The following CRPPA variants were observed in gnomAD, a reference collection of about 807,000 sequenced individuals.
CRPPA encodes the protein D-ribitol-5-phosphate cytidylyltransferase.
Under a neutral mutation model 52.0 loss-of-function variants are expected in CRPPA, and 43 were observed. That is an observed-to-expected ratio of 0.83 (90% CI 0.65 to 1.07). CRPPA has a LOEUF of 1.07. Ranked by LOEUF, CRPPA falls within the 50% of genes least tolerant of loss-of-function variation. The pLI is 0.00. For missense variants in CRPPA, 629 were observed against 551.7 expected (o/e 1.14, Z -1.40); for synonymous variants, 250 against 203.5 (o/e 1.23, Z -1.94).
At chr7:16,128,888 A>G (rs948333712) in intron 9 of CRPPA, among the ~76,000 whole-genome samples, 2 of 152,178 alleles carry the variant, frequency 1.3e-5, no homozygotes, top group African/African-American at 4.8e-5. Flanking sequence ...GAAGCAAATG[A>G]TCCCAATAAC....
chr7:16,101,460 A>C (rs1199669721), intron 9 of CRPPA, among the ~76,000 whole-genome samples: 11 of 152,076 alleles, frequency 7.2e-5, no homozygotes, highest in Admixed American at 7.2e-4. Flanking sequence ...GTATTCTCTG[A>C]TGGTACTTTA....
At chr7:16,368,170 T>C (rs567908968) in intron 3 of CRPPA, among the ~76,000 whole-genome samples, 2 of 152,332 alleles carry the variant, frequency 1.3e-5, no homozygotes, top group South Asian at 4.1e-4. Flanking sequence ...TTCCTCAAAT[T>C]GCACAGAAAA....
At chr7:16,164,563 G>A (rs1022112254) in intron 9 of CRPPA, among the ~76,000 whole-genome samples, 7 of 152,170 alleles carry the variant, frequency 4.6e-5, no homozygotes, top group Non-Finnish European at 7.3e-5. Context: ...GCGAGGAATT[G>A]TGATCCTTTG....
In CRPPA at chr7:16,154,809, CT is replaced by C. The variant is rs549480340; in HGVS notation, c.1251+61256del. ...AATATCGTCAATATTCAAGATGGGT[CT>C]TTTTTTTTTTTTTTTAAGACAGAAT... On this transcript the variant is annotated intron_variant, in intron 9 of 9. Coordinates refer to ENST00000407010, the MANE Select transcript of CRPPA (RefSeq NM_001101426.4). 9.4e-3 allele frequency among the ~76,000 whole-genome samples: 1,240 copies of C among 131,892 alleles called. 2 individuals carry two copies. The highest frequency in any genetic ancestry group is 0.025 in the East Asian group (113 of 4,576). 86.5% of individuals were successfully genotyped at this position (131,892 alleles called of 152,430 possible). A position where few individuals can be genotyped will look rare whatever the true frequency, so the allele number is the denominator to read the frequency against.
intron 9 of CRPPA, among the ~76,000 whole-genome samples, chr7:16,215,094 G>A (rs1782268137): frequency 6.6e-6 from 1 of 152,186 alleles, no homozygotes; most frequent in Non-Finnish European, 1.5e-5. Context: ...TAATTAAAAT[G>A]TATAGTTTCA....
chr7:16,389,928 A>AAAAAAAT, intron 2 of CRPPA, among the ~76,000 whole-genome samples: 6 of 29,760 alleles, frequency 2.0e-4, no homozygotes, highest in African/African-American at 1.0e-3. Context: ...AAAAAAAAAA[A>AAAAAAAT]ATATATATAT....
chr7:16,236,149 A>C (rs149529864), intron 8 of CRPPA, among the ~76,000 whole-genome samples: 149 of 152,240 alleles, frequency 9.8e-4, no homozygotes, highest in African/African-American at 3.3e-3. Flanking sequence ...ATAGTTGAGG[A>C]AACAACTCAG....
At chr7:16,387,067 A>G (rs1182622172) in intron 2 of CRPPA, among the ~76,000 whole-genome samples, 1 of 63,146 alleles carries the variant, frequency 1.6e-5, no homozygotes, top group African/African-American at 8.2e-5. Context: ...ATATATATAT[A>G]TATATATATA....
rs200896314 is a variant in CRPPA, at chr7:16,114,218, G to T, written c.1252-22419C>A. 3.3e-5 allele frequency among the ~76,000 whole-genome samples: 5 copies of T among 151,760 alleles called. No homozygotes were observed. In the East Asian group the frequency reaches 9.7e-4, roughly 29 times the overall value. On this transcript the variant is annotated intron_variant, in intron 9 of 9. Coordinates refer to ENST00000407010, the MANE Select transcript of CRPPA (RefSeq NM_001101426.4). ...GGAGTAAAAACAAAGGGGATCTCAGGTGGCTAAAGCAAATGGAGACTCTGA... is the reference window on the plus strand; with the variant it reads ...GGAGTAAAAACAAAGGGGATCTCAGTTGGCTAAAGCAAATGGAGACTCTGA...
At chr7:16,321,083 C>G (rs1201199090) in intron 3 of CRPPA, among the ~76,000 whole-genome samples, 1 of 152,048 alleles carries the variant, frequency 6.6e-6, no homozygotes, top group Non-Finnish European at 1.5e-5. Context: ...ATTTTTCTAG[C>G]CCCACCTAAC....
intron 3 of CRPPA, among the ~76,000 whole-genome samples, chr7:16,325,478 C>A (rs1009720128): frequency 1.6e-4 from 24 of 152,162 alleles, no homozygotes; most frequent in African/African-American, 5.8e-4. Context: ...AAGAGCTACT[C>A]AGGAAGATTC....
intron 9 of CRPPA, among the ~76,000 whole-genome samples, chr7:16,100,437 C>T (rs1238254678): frequency 6.6e-6 from 1 of 152,154 alleles, no homozygotes; most frequent in African/African-American, 2.4e-5. Context: ...AGTACTATGT[C>T]CACAGTAGGC....
intron 9 of CRPPA, among the ~76,000 whole-genome samples, chr7:16,092,546 A>T (rs1386852803): frequency 6.6e-6 from 1 of 152,112 alleles, no homozygotes; most frequent in Admixed American, 6.6e-5. Context: ...ATCCATATAC[A>T]TTGAGATAAG....
chr7:16,181,035 T>C (rs1477184492), intron 9 of CRPPA, among the ~76,000 whole-genome samples: 1 of 151,962 alleles, frequency 6.6e-6, no homozygotes, highest in African/African-American at 2.4e-5. Context: ...AGGTACAATG[T>C]TTGTAAAAAA....
intron 9 of CRPPA, among the ~76,000 whole-genome samples, chr7:16,159,951 C>T (rs563774688): frequency 2.0e-5 from 3 of 152,022 alleles, no homozygotes; most frequent in East Asian, 3.9e-4. Context: ...ATGATGAGCA[C>T]GTTTGTTGGC....
intron 2 of CRPPA, among the ~76,000 whole-genome samples, chr7:16,381,393 G>A (rs1398102242): frequency 1.3e-5 from 2 of 151,914 alleles, no homozygotes; most frequent in African/African-American, 2.4e-5. Flanking sequence ...CATTTGCTGA[G>A]GAGAGCTTTA....
chr7:16,348,768 C>T (rs757443137), intron 3 of CRPPA, among the ~76,000 whole-genome samples: 10 of 152,200 alleles, frequency 6.6e-5, no homozygotes, highest in Non-Finnish European at 1.5e-4. Context: ...GGGCACTGCA[C>T]ATTTCCTAAA....
chr7:16,197,242 A>T (rs916965923), intron 9 of CRPPA, among the ~76,000 whole-genome samples: 4 of 152,222 alleles, frequency 2.6e-5, no homozygotes, highest in Admixed American at 2.6e-4. Flanking sequence ...GTGTACAAGT[A>T]TATGTGATTT....
chr7:16,248,993 A>G (rs1302864764), intron 8 of CRPPA, among the ~76,000 whole-genome samples: 1 of 152,152 alleles, frequency 6.6e-6, no homozygotes, highest in Non-Finnish European at 1.5e-5. Context: ...CGCTGCTAGT[A>G]CAGCAGTCTG....
Sources: gnomAD v4.1 joint callset for allele counts (sites outside exome capture counted in the v4.1 genomes callset) on GRCh38, gnomAD v4.1.1 for gene constraint, MANE v1.5 for transcripts, NCBI Gene and HGNC (gene_info 2026-07-23, HGNC 2026-07-21) for gene names.